The following FLG variants were observed in gnomAD, a reference collection of about 807,000 sequenced individuals.
FLG encodes the protein filaggrin.
In FLG, 6 loss-of-function variants were observed where a neutral mutation model predicts 3.8. That is an observed-to-expected ratio of 1.60 (90% confidence interval 0.87 to 3.15). The LOEUF (loss-of-function observed/expected upper bound fraction) is 3.15, where lower values mean the gene tolerates loss of function less well. FLG is among the 30% of genes most tolerant of loss of function. The pLI is 0.00. For synonymous variants in FLG, 2,551 were observed against 1,931.6 expected (o/e 1.32, Z -8.41); for missense variants, 7,595 against 5,050.9 (o/e 1.50, Z -15.27).
rs769622877 is a variant in FLG at position 152,310,543 on chromosome 1, T to A, written c.4343A>T (p.His1448Leu). 6.2e-7 allele frequency: 1 copy of A among 1,613,798 alleles called. No individual in the cohort carries two copies. Among genetic ancestry groups the A allele is most frequent in the South Asian group, 1.1e-5 (1 of 91,054 alleles). ...SRSFLYQVSS[H>L]EQSESTHGQT... is the part of the protein sequence containing the mutation. ...TCCGTGTGTGGACTCAGACTGTTCATGAGAGCTCACCTGGTAGAGGAAAGA... is the reference window on the plus strand; with the variant it reads ...TCCGTGTGTGGACTCAGACTGTTCAAGAGAGCTCACCTGGTAGAGGAAAGA... Residue 1448 changes from histidine (H) to leucine (L), a missense_variant, in exon 3 of 3, where the codon CAT becomes CTT. Physicochemically the swap from His to Leu is moderately conservative, Grantham distance 99. Coordinates refer to ENST00000368799, the MANE Select transcript of FLG (RefSeq NM_002016.2).
rs1195638038 is a variant in FLG, at chr1:152,308,816, G to A, written c.6070C>T (p.His2024Tyr). ...ADSSRHSGIG[H>Y]GQASSAVRDS... Reference sequence around the variant, plus strand: ...CTGACTGCAGATGAAGCTTGTCCATGCCCAATGCCTGAGTGTCTGGAGCTG... The same window carrying A: ...CTGACTGCAGATGAAGCTTGTCCATACCCAATGCCTGAGTGTCTGGAGCTG... Residue 2024 changes from histidine (H) to tyrosine (Y), a missense_variant, in exon 3 of 3, where the codon CAT (histidine) becomes TAT (tyrosine). Physicochemically the swap from His to Tyr is moderately conservative, Grantham distance 83. Coordinates refer to ENST00000368799, the MANE Select transcript of FLG (RefSeq NM_002016.2). The A allele has an allele frequency of 6.2e-7, 1 of 1,614,180 alleles. No individual in the cohort carries two copies. Among genetic ancestry groups the A allele is most frequent in the South Asian group, 1.1e-5 (1 of 91,076 alleles).
rs971513367 is a variant in FLG at position 152,314,049 on chromosome 1, T to G, written c.837A>C (p.Thr279=). 12 of 1,614,098 alleles carry G rather than the reference T, an allele frequency of 7.4e-6. No homozygotes were observed. The highest frequency in any genetic ancestry group is 1.3e-5 in the African/African-American group (1 of 74,942). The part of the protein sequence containing the change: ...SQVNRSRHEN[T]SQVPLQESRT... ...TGGACTCCTGCAATGGTACCTGGCTTGTATTTTCATGTCTTGACCTGTTCA... is the reference window on the plus strand; with the variant it reads ...TGGACTCCTGCAATGGTACCTGGCTGGTATTTTCATGTCTTGACCTGTTCA... The change falls in exon 3 of 3, where the codon ACA becomes ACC. Residue 279 remains threonine, a synonymous_variant. Coordinates refer to ENST00000368799, the MANE Select transcript of FLG (RefSeq NM_002016.2).
Position 152,312,596 on chromosome 1 carries a change from C to T in FLG, c.2290G>A (p.Gly764Ser), listed in dbSNP as rs747157296. 1.1e-5 allele frequency: 17 copies of T among 1,613,618 alleles called. No individual in the cohort carries two copies. Among genetic ancestry groups the T allele is most frequent in the South Asian group, 2.2e-5 (2 of 91,032 alleles). ...SEDSDTQSVS[G>S]HGQAGHHQQS... is the part of the protein sequence containing the mutation. ...TGATGGTGACCAGCCTGTCCATGGC[C>T]TGACACTGACTGTGTGTCTGAGTCT... The change falls in exon 3 of 3, where the codon GGC (glycine) becomes AGC (serine). Residue 764 changes from glycine to serine, a missense_variant. By Grantham distance (56) the Gly-to-Ser change is moderately conservative. Coordinates refer to ENST00000368799, the MANE Select transcript of FLG (RefSeq NM_002016.2).
chr1:152,304,042 T>C lies in FLG; in HGVS notation c.10844A>G (p.His3615Arg). 20 of 1,613,532 alleles carry C rather than the reference T, an allele frequency of 1.2e-5. No individual in the cohort carries two copies. The highest frequency in any genetic ancestry group is 1.7e-5 in the Non-Finnish European group (20 of 1,179,988). ...NSSGGQAASSHEQARSSAGER... is the reference protein window; with the variant it reads ...NSSGGQAASSREQARSSAGER... The stretch of plus-strand genomic sequence containing the variant: ...TCCTGCACTTGATCTTGCCTGTTCA[T>C]GGGATGATGCAGCCTGTCCACCAGA... Residue 3615 changes from histidine to arginine, a missense_variant, in exon 3 of 3, where the codon CAT becomes CGT. Coordinates refer to ENST00000368799, the MANE Select transcript of FLG (RefSeq NM_002016.2).
Position 152,314,756 on chromosome 1 carries a change from A to G in FLG, c.139-9T>C, listed in dbSNP as rs369354507. On this transcript the variant is annotated splice_polypyrimidine_tract_variant and intron_variant, in intron 2 of 2. Transcript: ENST00000368799. ...TCTGGGTCATCTGGATTCTGTACAGAGGGAAGTCACAGAGGGAGACTGCAT... is the reference window on the plus strand; with the variant it reads ...TCTGGGTCATCTGGATTCTGTACAGGGGGAAGTCACAGAGGGAGACTGCAT... 2.6e-4 allele frequency: 412 copies of G among 1,613,936 alleles called. 1 individual carries two copies. In the Middle Eastern group the frequency reaches 7.6e-3, roughly 30 times the overall value.
rs1651951432 is a variant in FLG, at chr1:152,306,189, T to C, written c.8697A>G (p.Gly2899=). Residue 2899 remains glycine (G), a synonymous_variant, in exon 3 of 3, where the codon GGA becomes GGG. Transcript: ENST00000368799. Reference sequence around the variant, plus strand: ...ACCACCTCTCAGAGTCTTCTGAATGTCCCTCACTGTCACTGTCCTGGCTCA... The same window carrying C: ...ACCACCTCTCAGAGTCTTCTGAATGCCCCTCACTGTCACTGTCCTGGCTCA... ...SSVSQDSDSE[G]HSEDSERWSG... 1 of 1,603,372 alleles carries C rather than the reference T, an allele frequency of 6.2e-7. No individual in the cohort carries two copies. Among genetic ancestry groups the C allele is most frequent in the Non-Finnish European group, 8.5e-7 (1 of 1,180,024 alleles).
chr1:152,311,187 T>C lies in FLG; in HGVS notation c.3699A>G (p.Ser1233=). The C allele has an allele frequency of 2.5e-6, 4 of 1,613,884 alleles. No individual in the cohort carries two copies. The highest frequency in any genetic ancestry group is 2.5e-6 in the Non-Finnish European group (3 of 1,179,986). ...AGGCAGCTTCATGGTGACGTGACCC[T>C]GAGTGCCTGGAGCCGTCTCCTGATT... ...DKQSGDGSRH[S]GSRHHEAASW... The change falls in exon 3 of 3, where the codon TCA becomes TCG. Residue 1233 remains serine (S), a synonymous_variant. Transcript: ENST00000368799.
In FLG at chr1:152,311,974, C is replaced by A; in HGVS notation, c.2912G>T (p.Arg971Leu). The A allele has an allele frequency of 1.2e-6, 2 of 1,613,854 alleles. No homozygotes were observed. Among genetic ancestry groups the A allele is most frequent in the South Asian group, 1.1e-5 (1 of 91,054 alleles). Residue 971 changes from arginine (R) to leucine (L), a missense_variant, in exon 3 of 3, where the codon CGT (arginine) becomes CTT (leucine). By Grantham distance (102) the Arg-to-Leu change is moderately radical. Transcript: ENST00000368799. Reference sequence around the variant, plus strand: ...TCTTGACTGCTCCTGAGCAGATCCACGATGGTTTCTGGAAGCAGACCCAGA... The same window carrying A: ...TCTTGACTGCTCCTGAGCAGATCCAAGATGGTTTCTGGAAGCAGACCCAGA... ...RWSGSASRNH[R>L]GSAQEQSRHG...
Position 152,312,503 on chromosome 1 carries a change from A to G in FLG, c.2383T>C (p.Tyr795His), listed in dbSNP as rs757155842. The change falls in exon 3 of 3, where the codon TAC becomes CAC. Residue 795 changes from tyrosine (Y) to histidine (H), a missense_variant. Physicochemically the swap from Tyr to His is moderately conservative, Grantham distance 83. Coordinates refer to ENST00000368799, the MANE Select transcript of FLG (RefSeq NM_002016.2). ...ERSRRSGSFL[Y>H]QVSTHKQSES... The stretch of plus-strand genomic sequence containing the variant: ...GACTGTTTATGAGTGCTCACCTGGT[A>G]GAGGAAAGACCCTGAACGTCGAGAC... The G allele has an allele frequency of 6.2e-7, 1 of 1,613,020 alleles. No homozygotes were observed. Among genetic ancestry groups the G allele is most frequent in the Non-Finnish European group, 8.5e-7 (1 of 1,179,610 alleles).
rs773306954 is a variant in FLG at position 152,309,524 on chromosome 1, C to T, written c.5362G>A (p.Gly1788Arg). 3.1e-6 allele frequency: 5 copies of T among 1,613,842 alleles called. No homozygotes were observed. The East Asian group carries it at 6.7e-5, about 22-fold the overall frequency. Residue 1788 changes from glycine to arginine, a missense_variant, in exon 3 of 3, where the codon GGA becomes AGA. Transcript: ENST00000368799. ...AHGRTGPSTGGRQRSRHEQAR... is the reference protein window; with the variant it reads ...AHGRTGPSTGRRQRSRHEQAR... ...TGCTCGTGGCGGGATCTTTGTCTTC[C>T]TCCAGTGCTGGGCCCTGTGCGTCCA...
At position 152,307,680 on chromosome 1, in the gene FLG, G is replaced by A. The variant is rs1296372067; in HGVS notation, c.7206C>T (p.Gly2402=). The A allele has an allele frequency of 2.5e-6, 4 of 1,613,420 alleles. No homozygotes were observed. Among genetic ancestry groups the A allele is most frequent in the East Asian group, 2.2e-5 (1 of 44,800 alleles). ...HQQSHQESTR[G]RSAGRSGRSG... ...AACGTCCAGACCTTCCTGCTGACCG[G>A]CCACGTGTGGACTCTTGGTGGCTCT... The change falls in exon 3 of 3, where the codon GGC becomes GGT. Residue 2402 remains glycine, a synonymous_variant. Coordinates refer to ENST00000368799, the MANE Select transcript of FLG (RefSeq NM_002016.2).
rs3126079 is a variant in FLG, at chr1:152,309,003, G to T, written c.5883C>A (p.His1961Gln). Residue 1961 changes from histidine to glutamine, a missense_variant, in exon 3 of 3, where the codon CAC (histidine) becomes CAA (glutamine). Physicochemically the swap from His to Gln is conservative, Grantham distance 24. Coordinates refer to ENST00000368799, the MANE Select transcript of FLG (RefSeq NM_002016.2). ...RDGSRHPGSH[H>Q]EDRAGHGHSA... The stretch of plus-strand genomic sequence containing the variant: ...AGTGCCCGTGACCGGCTCTGTCTTC[G>T]TGATGGGACCCAGGGTGTCTGGAGC... 0.23 allele frequency: 376,218 copies of T among 1,613,756 alleles called. 63,690 individuals carry two copies. The highest frequency in any genetic ancestry group is 0.71 in the African/African-American group (52,961 of 74,926).
In FLG at chr1:152,306,289, T is replaced by A. The variant is rs76786926; in HGVS notation, c.8597A>T (p.Asp2866Val). ...GACTGCCTGTGAGTGTCTAGAGATG[T>A]CGGCATGAGTGGAAGCTTCATGGTG... ...SRHHEASTHADISRHSQAVQG... is the reference protein window; with the variant it reads ...SRHHEASTHAVISRHSQAVQG... Residue 2866 changes from aspartate (D) to valine (V), a missense_variant, in exon 3 of 3, where the codon GAC (aspartate) becomes GTC (valine). Transcript: ENST00000368799. 1.6e-3 allele frequency: 2,588 copies of A among 1,603,884 alleles called. 1 individual carries two copies. In the African/African-American group the frequency reaches 0.036, roughly 22 times the overall value.
At chr1:152,318,656 C>A (rs12089451) in intron 1 of FLG, among the ~76,000 whole-genome samples, 8 of 151,804 alleles carry the variant, frequency 5.3e-5, no homozygotes, top group Non-Finnish European at 2.9e-5. Context: ...AAAATTGATA[C>A]CTCTAGGCAT....
At position 152,304,684 on chromosome 1, in the gene FLG, C is replaced by G; in HGVS notation, c.10202G>C (p.Gly3401Ala). Reference sequence around the variant, plus strand: ...TCGTCCAGTGCTGGTCCTGGTCCGCCCATGGGCAGACTCAGACTGTTCATG... The same window carrying G: ...TCGTCCAGTGCTGGTCCTGGTCCGCGCATGGGCAGACTCAGACTGTTCATG... The part of the protein sequence containing the change: ...STHEQSESAH[G>A]RTRTSTGRRQ... Residue 3401 changes from glycine (G) to alanine (A), a missense_variant, in exon 3 of 3, where the codon GGG becomes GCG. Transcript: ENST00000368799. The G allele has an allele frequency of 6.2e-7, 1 of 1,612,406 alleles. No homozygotes were observed. Among genetic ancestry groups the G allele is most frequent in the Non-Finnish European group, 8.5e-7 (1 of 1,179,332 alleles).
At position 152,306,385 on chromosome 1, in the gene FLG, G is replaced by A. The variant is rs1185839029; in HGVS notation, c.8501C>T (p.Ser2834Phe). 3.1e-6 allele frequency: 5 copies of A among 1,602,970 alleles called. No individual in the cohort carries two copies. Among genetic ancestry groups the A allele is most frequent in the Non-Finnish European group, 4.2e-6 (5 of 1,179,754 alleles). ...ACGTGTTGTTCTGCTTGCACTTCTGGATCCTGACTGCCCACGGGAGGCATC... is the reference window on the plus strand; with the variant it reads ...ACGTGTTGTTCTGCTTGCACTTCTGAATCCTGACTGCCCACGGGAGGCATC... ...RSDASRGQSG[S>F]RSASRTTRNE... Residue 2834 changes from serine (S) to phenylalanine (F), a missense_variant, in exon 3 of 3, where the codon TCC (serine) becomes TTC (phenylalanine). Ser to Phe is a radical substitution (Grantham distance 155). Transcript: ENST00000368799.
Position 152,309,527 on chromosome 1 carries a change from C to A in FLG, c.5359G>T (p.Gly1787Ter). The A allele has an allele frequency of 1.9e-6, 3 of 1,613,896 alleles. No homozygotes were observed. Among genetic ancestry groups the A allele is most frequent in the Non-Finnish European group, 2.5e-6 (3 of 1,179,972 alleles). Residue 1787 changes from glycine to a stop codon, truncating the protein, a stop_gained, in exon 3 of 3, where the codon GGA becomes TGA. Transcript: ENST00000368799. LOFTEE classifies it low-confidence loss of function (END_TRUNC). Reference sequence around the variant, plus strand: ...TCGTGGCGGGATCTTTGTCTTCCTCCAGTGCTGGGCCCTGTGCGTCCATGG... The same window carrying A: ...TCGTGGCGGGATCTTTGTCTTCCTCAAGTGCTGGGCCCTGTGCGTCCATGG... ...SAHGRTGPST[G>*]GRQRSRHEQA...
At chr1:152,323,857 C>T (rs1287735975) in intron 1 of FLG, among the ~76,000 whole-genome samples, 1 of 151,614 alleles carries the variant, frequency 6.6e-6, no homozygotes, top group South Asian at 2.1e-4. Context: ...ATTTATAATA[C>T]CCCCCAAAAT....
In FLG at chr1:152,314,719, A is replaced by G; in HGVS notation, c.167T>C (p.Val56Ala). ...GTCTATATCCAAGTGATCCATGAAG[A>G]CATCAACCATATCTGGGTCATCTGG... Reference protein sequence around the residue: ...KNPDDPDMVDVFMDHLDIDHN... With the variant: ...KNPDDPDMVDAFMDHLDIDHN... Residue 56 changes from valine (V) to alanine (A), a missense_variant, in exon 3 of 3, where the codon GTC becomes GCC. Coordinates refer to ENST00000368799, the MANE Select transcript of FLG (RefSeq NM_002016.2). The G allele has an allele frequency of 1.2e-6, 2 of 1,613,868 alleles. No homozygotes were observed. The highest frequency in any genetic ancestry group is 1.7e-6 in the Non-Finnish European group (2 of 1,179,752).
Sources: gnomAD v4.1 joint callset for allele counts (sites outside exome capture counted in the v4.1 genomes callset) on GRCh38, gnomAD v4.1.1 for gene constraint, MANE v1.5 for transcripts, NCBI Gene and HGNC (gene_info 2026-07-23, HGNC 2026-07-21) for gene names.